Variants in SPAG17 observed in about 807,000 individuals in gnomAD.
SPAG17 encodes sperm associated antigen 17, also known as sperm-associated antigen 17.
In SPAG17, 169 loss-of-function variants were observed where a neutral mutation model predicts 273.6. The observed-to-expected ratio is 0.62, with a 90% CI of 0.55 to 0.70. The LOEUF (loss-of-function observed/expected upper bound fraction) is 0.70. Among genes scored for constraint, SPAG17 ranks in the 30% least tolerant of loss-of-function variants. The pLI, the probability that SPAG17 is intolerant of heterozygous loss-of-function variation, is 0.00. For synonymous variants in SPAG17, 825 were observed against 873.2 expected (o/e 0.94, Z 0.97); for missense variants, 2,557 against 2,627.8 (o/e 0.97, Z 0.59).
intron 1 of SPAG17, among the ~76,000 whole-genome samples, chr1:118,157,166 T>A (rs141881354): frequency 6.6e-6 from 1 of 152,316 alleles, no homozygotes; most frequent in African/African-American, 2.4e-5. Flanking sequence ...ACTAAACATT[T>A]ACCAGCATAT....
rs375038903 is a variant in SPAG17, at chr1:118,069,520, T to C, written c.2386-2621A>G. Reference sequence around the variant, plus strand: ...TGAATGATGGTGACCTTTTCTGAGATGGACAAGGGAAGAAATGCTTAGGTG... The same window carrying C: ...TGAATGATGGTGACCTTTTCTGAGACGGACAAGGGAAGAAATGCTTAGGTG... On this transcript the variant is annotated intron_variant, in intron 17 of 48. Coordinates refer to ENST00000336338, the MANE Select transcript of SPAG17 (RefSeq NM_206996.4). 3.3e-5 allele frequency among the ~76,000 whole-genome samples: 5 copies of C among 152,068 alleles called. No individual in the cohort carries two copies. The East Asian group carries it at 7.7e-4, about 23-fold the overall frequency.
chr1:117,995,812 A>G (rs956263021), intron 34 of SPAG17, among the ~76,000 whole-genome samples: 5 of 152,090 alleles, frequency 3.3e-5, no homozygotes, highest in South Asian at 2.1e-4. Flanking sequence ...CACATATTAC[A>G]TATACTGGAT....
At chr1:118,100,290 C>A (rs1349530427) in intron 5 of SPAG17, among the ~76,000 whole-genome samples, 1 of 152,126 alleles carries the variant, frequency 6.6e-6, no homozygotes, top group Non-Finnish European at 1.5e-5. Context: ...GGGTGTGAAT[C>A]CCGAGTATGG....
intron 17 of SPAG17, 70 bp downstream of exon 17, chr1:118,073,784 C>A: frequency 1.0e-6 from 1 of 978,602 alleles, no homozygotes; most frequent in South Asian, 1.6e-5. Context: ...TGGAGGTGAA[C>A]TGTTCTAAAT....
intron 1 of SPAG17, among the ~76,000 whole-genome samples, chr1:118,173,870 A>AC (rs1453804457): frequency 1.3e-5 from 2 of 151,348 alleles, no homozygotes; most frequent in East Asian, 3.9e-4. Flanking sequence ...AAAAAAAAAA[A>AC]AAAAAAAGTA....
At chr1:118,036,709 G>C in intron 24 of SPAG17, 61 bp downstream of exon 24, 1 of 1,070,700 alleles carries the variant, frequency 9.3e-7, no homozygotes, top group Non-Finnish European at 1.4e-6. Context: ...ACTGAGAATG[G>C]GCAGTGGCAG....
Position 117,971,853 on chromosome 1 carries a change from T to C in SPAG17, c.6326+10A>G, listed in dbSNP as rs753932978. 40 of 1,610,738 alleles carry C rather than the reference T, an allele frequency of 2.5e-5. No homozygotes were observed. Among genetic ancestry groups the C allele is most frequent in the Non-Finnish European group, 3.3e-5 (39 of 1,178,368 alleles). On this transcript the variant is annotated intron_variant, in intron 45 of 48. Coordinates refer to ENST00000336338, the MANE Select transcript of SPAG17 (RefSeq NM_206996.4). ...GTAACCTGAGCAGACCTTTGGTCCC[T>C]TGGCCTCACCTGCAGAAGTCCACTC...
intron 48 of SPAG17, chr1:117,958,830 G>C: frequency 1.5e-6 from 1 of 679,372 alleles, no homozygotes; most frequent in South Asian, 3.0e-5. Context: ...CTTTGATATT[G>C]TGTCTGTTTA....
intron 20 of SPAG17, among the ~76,000 whole-genome samples, chr1:118,045,677 A>G (rs1382732013): frequency 6.6e-6 from 1 of 152,240 alleles, no homozygotes; most frequent in Non-Finnish European, 1.5e-5. Context: ...CCAAATGAGT[A>G]GTCAAGTCAG....
chr1:117,989,871 G>C (rs924962167), intron 38 of SPAG17, among the ~76,000 whole-genome samples: 2 of 152,096 alleles, frequency 1.3e-5, no homozygotes, highest in African/African-American at 2.4e-5. Flanking sequence ...AGAGCCACCA[G>C]GCCGGGCCTG....
intron 23 of SPAG17, among the ~76,000 whole-genome samples, chr1:118,039,085 TAA>T (rs1649422307): frequency 6.6e-6 from 1 of 152,010 alleles, no homozygotes; most frequent in Non-Finnish European, 1.5e-5. Flanking sequence ...CTATAAAAAA[TAA>T]AGTCTGGTAA....
At chr1:118,142,927 C>A (rs993954764) in intron 3 of SPAG17, among the ~76,000 whole-genome samples, 12 of 152,230 alleles carry the variant, frequency 7.9e-5, no homozygotes, top group Middle Eastern at 3.2e-3. Flanking sequence ...TCTCTCCACA[C>A]TTTGATCTCT....
chr1:118,073,593 T>A (rs1184300919), intron 17 of SPAG17, among the ~76,000 whole-genome samples: 1 of 152,226 alleles, frequency 6.6e-6, no homozygotes, highest in South Asian at 2.1e-4. Context: ...AATATATATA[T>A]GCAGCAGTCT....
intron 34 of SPAG17, among the ~76,000 whole-genome samples, chr1:117,994,814 C>T (rs1657479648): frequency 6.6e-6 from 1 of 152,086 alleles, no homozygotes; most frequent in South Asian, 2.1e-4. Flanking sequence ...TCCCAATAAA[C>T]TTGTTGAGTC....
intron 3 of SPAG17, among the ~76,000 whole-genome samples, chr1:118,139,131 A>T (rs10157922): frequency 0.16 from 23,576 of 151,928 alleles, 3,090 homozygotes; most frequent in African/African-American, 0.36. Context: ...AAAAAAATTT[A>T]AAAAAAATGG....
intron 1 of SPAG17, among the ~76,000 whole-genome samples, chr1:118,180,607 T>C (rs925441562): frequency 6.6e-6 from 1 of 152,038 alleles, no homozygotes; most frequent in Non-Finnish European, 1.5e-5. Context: ...GTTTCTAGTA[T>C]AAAGAAAAGA....
intron 30 of SPAG17, among the ~76,000 whole-genome samples, chr1:118,011,658 C>T (rs1178901084): frequency 6.6e-6 from 1 of 151,962 alleles, no homozygotes; most frequent in Non-Finnish European, 1.5e-5. Context: ...GTACGGCAAA[C>T]CCTGTTACAT....
intron 18 of SPAG17, among the ~76,000 whole-genome samples, chr1:118,061,163 A>C (rs1437577597): frequency 2.6e-5 from 4 of 152,224 alleles, no homozygotes; most frequent in Admixed American, 1.3e-4. Flanking sequence ...AAAAATTAGA[A>C]ATAGAACAAC....
chr1:118,011,841 AAGT>A (rs1022050211), intron 30 of SPAG17, among the ~76,000 whole-genome samples: 16 of 152,120 alleles, frequency 1.1e-4, no homozygotes, highest in African/African-American at 3.9e-4. Flanking sequence ...ATTTCTAAGA[AAGT>A]AGACAGATTT....
Sources: gnomAD v4.1 joint callset for allele counts (sites outside exome capture counted in the v4.1 genomes callset) on GRCh38, gnomAD v4.1.1 for gene constraint, MANE v1.5 for transcripts, NCBI Gene and HGNC (gene_info 2026-07-23, HGNC 2026-07-21) for gene names.